The following MAPK10 variants were observed in gnomAD, a reference collection of about 807,000 sequenced individuals.
MAPK10 encodes JNK3 alpha protein kinase.
Under a neutral mutation model 59.3 loss-of-function variants are expected in MAPK10, and 25 were observed. The ratio of observed to expected loss-of-function variants is 0.42; its 90% CI spans 0.31 to 0.59. The LOEUF (loss-of-function observed/expected upper bound fraction) is 0.59. Among genes scored for constraint, MAPK10 ranks in the 20% least tolerant of loss-of-function variants. The pLI is 0.15. For missense variants in MAPK10, 351 were observed against 568.9 expected (o/e 0.62, Z 3.90); for synonymous variants, 190 against 200.5 (o/e 0.95, Z 0.44).
intron 2 of MAPK10, among the ~76,000 whole-genome samples, chr4:86,342,418 T>C (rs911621922): frequency 6.6e-6 from 1 of 152,172 alleles, no homozygotes; most frequent in Non-Finnish European, 1.5e-5. Flanking sequence ...TTATTAACAA[T>C]GACAATAGTT....
At chr4:86,226,963 T>C (rs1365469267) in intron 2 of MAPK10, among the ~76,000 whole-genome samples, 1 of 152,212 alleles carries the variant, frequency 6.6e-6, no homozygotes, top group Non-Finnish European at 1.5e-5. Flanking sequence ...CTTGGTAACA[T>C]ATTTTCATTG....
chr4:86,374,491 CATT>C (rs2148995986), intron 1 of MAPK10, among the ~76,000 whole-genome samples: 1 of 152,304 alleles, frequency 6.6e-6, no homozygotes, highest in South Asian at 2.1e-4. Context: ...ACTGTCCAAT[CATT>C]ATTGTCCTGT....
intron 1 of MAPK10, among the ~76,000 whole-genome samples, chr4:86,375,949 T>C (rs1238077749): frequency 6.6e-6 from 1 of 152,134 alleles, no homozygotes; most frequent in Non-Finnish European, 1.5e-5. Flanking sequence ...TAACACTAAA[T>C]AACTGAGTGT....
At chr4:86,131,301 G>A (rs1215309064) in intron 4 of MAPK10, among the ~76,000 whole-genome samples, 2 of 152,088 alleles carry the variant, frequency 1.3e-5, no homozygotes, top group African/African-American at 2.4e-5. Context: ...CTAGCTAACA[G>A]GCATACAGAC....
At chr4:86,575,045 T>C (rs374386532) in intron 1 of MAPK10, among the ~76,000 whole-genome samples, 1 of 152,260 alleles carries the variant, frequency 6.6e-6, no homozygotes, top group African/African-American at 2.4e-5. Context: ...CCCTTCCCAG[T>C]GTGGGTGGGC....
At chr4:86,361,199 C>T (rs1010450998), upstream of MAPK10, among the ~76,000 whole-genome samples, 9 of 152,122 alleles carry the variant, frequency 5.9e-5, no homozygotes, top group East Asian at 3.9e-4. Context: ...CTGTAAGAAA[C>T]GCATACGTTT....
chr4:86,281,197 A>G (rs894265354), intron 2 of MAPK10, among the ~76,000 whole-genome samples: 4 of 152,156 alleles, frequency 2.6e-5, no homozygotes, highest in African/African-American at 9.7e-5. Flanking sequence ...CCAATATCCC[A>G]TAACCCAGTT....
chr4:86,251,696 T>A (rs1252668679), intron 2 of MAPK10, among the ~76,000 whole-genome samples: 3 of 127,462 alleles, frequency 2.4e-5, no homozygotes, highest in Non-Finnish European at 4.7e-5. Flanking sequence ...TACCCAGTAA[T>A]GGGATGGCTG....
At chr4:86,300,293 T>C (rs1318957421) in intron 2 of MAPK10, among the ~76,000 whole-genome samples, 1 of 152,226 alleles carries the variant, frequency 6.6e-6, no homozygotes, top group Non-Finnish European at 1.5e-5. Context: ...ACTGAAATCA[T>C]TAACAAATGA....
At position 86,246,768 on chromosome 4, in the gene MAPK10, G is replaced by A. The variant is rs2093119339; in HGVS notation, c.-6-52361C>T. Among the ~76,000 whole-genome samples, 3 of 152,304 alleles carry A rather than the reference G, an allele frequency of 2.0e-5. No individual in the cohort carries two copies. In the South Asian group the frequency reaches 6.2e-4, roughly 32 times the overall value. On this transcript the variant is annotated intron_variant, in intron 2 of 13. Coordinates refer to ENST00000641462, the MANE Select transcript of MAPK10 (RefSeq NM_138982.4). ...ACAGAAGAGGTGGGACTGGAATGCA[G>A]GCAGTGGGACACTAGAGTCTGCTGG...
intron 1 of MAPK10, among the ~76,000 whole-genome samples, chr4:86,573,274 T>C (rs1761607968): frequency 1.3e-5 from 2 of 152,228 alleles, no homozygotes; most frequent in Admixed American, 6.5e-5. Context: ...TTGATCTATG[T>C]ACAATTTCAA....
chr4:86,525,356 T>A (rs1378411450), intron 1 of MAPK10, among the ~76,000 whole-genome samples: 1 of 152,022 alleles, frequency 6.6e-6, no homozygotes, highest in East Asian at 1.9e-4. Context: ...GTGCTAAAAT[T>A]CAATTTAGAC....
At chr4:86,281,001 A>G (rs975712147) in intron 2 of MAPK10, among the ~76,000 whole-genome samples, 9 of 152,134 alleles carry the variant, frequency 5.9e-5, no homozygotes, top group African/African-American at 1.9e-4. Context: ...TACAATGCTC[A>G]CTACCTGGGT....
chr4:86,552,447 AGGAAGGAAGGAAGGAGGGAGGGAGGGAG>A (rs1466562857), intron 1 of MAPK10, among the ~76,000 whole-genome samples: 5 of 88,224 alleles, frequency 5.7e-5, no homozygotes, highest in Admixed American at 1.2e-4. Context: ...GAAGGAAGGA[AGGAAGGAAGGAAGGAGGGAGGGAGGGAG>A]GGAGGGAGGG....
At chr4:86,395,067 T>A (rs963087445) in intron 1 of MAPK10, among the ~76,000 whole-genome samples, 2 of 586 alleles carry the variant, frequency 3.4e-3, no homozygotes, top group Admixed American at 0.053. Flanking sequence ...CAGTATTGAG[T>A]CAATAAAAAC....
intron 2 of MAPK10, among the ~76,000 whole-genome samples, chr4:86,344,180 G>T (rs1441998859): frequency 6.6e-6 from 1 of 152,162 alleles, no homozygotes; most frequent in East Asian, 1.9e-4. Context: ...TGTCACCCAG[G>T]CTGGAGTGCT....
In MAPK10 at chr4:86,015,323, CTAT is replaced by C. The variant is rs1412413541; in HGVS notation, c.*1902_*1904del. ...TGCTTGAAGAGAGAAAGAAAGTTCC[CTAT>C]TATTATATTTAAGGCAGTTTTCAGA... is the stretch of plus-strand genomic sequence containing the variant. On this transcript the variant is annotated 3_prime_UTR_variant, in exon 14 of 14. Transcript: ENST00000641462. 6.6e-6 allele frequency: 1 copy of C among 152,116 alleles called. No homozygotes were observed. The highest frequency in any genetic ancestry group is 1.5e-5 in the Non-Finnish European group (1 of 68,022). The allele number at this position is 152,116 out of a possible 1,614,324, so 9.4% of individuals were successfully genotyped here.
chr4:86,428,140 C>CTTT (rs201894847), intron 1 of MAPK10, among the ~76,000 whole-genome samples: 2 of 142,762 alleles, frequency 1.4e-5, no homozygotes, highest in Non-Finnish European at 3.1e-5. Flanking sequence ...TTCAAAGTTA[C>CTTT]TTTTTTTTTT....
intron 1 of MAPK10, among the ~76,000 whole-genome samples, chr4:86,443,873 A>G (rs948043479): frequency 6.6e-6 from 1 of 152,214 alleles, no homozygotes; most frequent in African/African-American, 2.4e-5. Flanking sequence ...AAAGTAGACA[A>G]CATGCAAGAA....
Sources: gnomAD v4.1 joint callset for allele counts (sites outside exome capture counted in the v4.1 genomes callset) on GRCh38, gnomAD v4.1.1 for gene constraint, MANE v1.5 for transcripts, NCBI Gene and HGNC (gene_info 2026-07-23, HGNC 2026-07-21) for gene names.